DGKI: variants seen among roughly 807,000 people sequenced by gnomAD.
The protein encoded by DGKI is diacylglycerol kinase iota, also known as DAG kinase iota.
DGKI carries 55 observed loss-of-function variants against 147.5 expected under a neutral mutation model. That is an observed-to-expected ratio of 0.37 (90% CI 0.30 to 0.47). The LOEUF is 0.47. Ranked by LOEUF, DGKI falls within the 20% of genes least tolerant of loss-of-function variation. DGKI has a pLI of 1.00. For missense variants in DGKI, 1,007 were observed against 1,323.8 expected, an observed-to-expected ratio of 0.76 and a Z score of 3.71; for synonymous variants, 469 against 477.1, an observed-to-expected ratio of 0.98 and a Z score of 0.22.
intron 28 of DGKI, among the ~76,000 whole-genome samples, chr7:137,433,189 T>A (rs578186534): frequency 6.6e-6 from 1 of 152,326 alleles, no homozygotes; most frequent in African/African-American, 2.4e-5. Flanking sequence ...CCTAAGCAGC[T>A]ATAATTGACA....
chr7:137,522,936 T>A (rs1441932658), intron 20 of DGKI, among the ~76,000 whole-genome samples: 2 of 151,800 alleles, frequency 1.3e-5, no homozygotes, highest in Non-Finnish European at 2.9e-5. Flanking sequence ...TCTTTTTTTT[T>A]ATATTAAATG....
At chr7:137,642,054 A>G (rs1191778728) in intron 6 of DGKI, among the ~76,000 whole-genome samples, 2 of 152,182 alleles carry the variant, frequency 1.3e-5, no homozygotes, top group East Asian at 1.9e-4. Context: ...GTTTACAGCA[A>G]AAGTATGCAT....
chr7:137,794,339 C>T (rs897876049), intron 1 of DGKI, among the ~76,000 whole-genome samples: 14 of 152,108 alleles, frequency 9.2e-5, no homozygotes, highest in African/African-American at 3.4e-4. Context: ...TAAAGAGTTA[C>T]AAGAAGGACA....
intron 2 of DGKI, among the ~76,000 whole-genome samples, chr7:137,683,104 G>A (rs1019081069): frequency 1.3e-5 from 2 of 151,420 alleles, no homozygotes; most frequent in African/African-American, 2.4e-5. Flanking sequence ...CTTACTATAC[G>A]CTGGACAGTG....
intron 27 of DGKI, among the ~76,000 whole-genome samples, chr7:137,446,912 C>T (rs747646256): frequency 6.6e-6 from 1 of 152,192 alleles, no homozygotes; most frequent in Non-Finnish European, 1.5e-5. Flanking sequence ...CTTTTCACCA[C>T]ACCTGAAAGA....
intron 1 of DGKI, among the ~76,000 whole-genome samples, chr7:137,831,828 C>T (rs1172352084): frequency 1.3e-5 from 2 of 152,236 alleles, no homozygotes; most frequent in African/African-American, 4.8e-5. Flanking sequence ...GCCTATGAGC[C>T]TGTAAAATCC....
At chr7:137,458,753 C>G (rs1474381533) in intron 27 of DGKI, among the ~76,000 whole-genome samples, 1 of 152,152 alleles carries the variant, frequency 6.6e-6, no homozygotes, top group Admixed American at 6.6e-5. Context: ...TAAGTAAATT[C>G]CCTCTCTATT....
chr7:137,543,481 A>T (rs569183787), intron 20 of DGKI, among the ~76,000 whole-genome samples: 216 of 152,296 alleles, frequency 1.4e-3, no homozygotes, highest in Non-Finnish European at 2.3e-3. Flanking sequence ...CTAATAATTC[A>T]TACATTGCAT....
intron 27 of DGKI, among the ~76,000 whole-genome samples, chr7:137,463,170 T>C (rs990252481): frequency 6.6e-6 from 1 of 152,170 alleles, no homozygotes; most frequent in African/African-American, 2.4e-5. Flanking sequence ...GTCTTTATGA[T>C]GTGGCAAACA....
intron 1 of DGKI, among the ~76,000 whole-genome samples, chr7:137,708,101 T>G (rs1186521257): frequency 6.6e-6 from 1 of 152,196 alleles, no homozygotes; most frequent in Non-Finnish European, 1.5e-5. Context: ...TATTCCTGCC[T>G]GGCAGTACCC....
At chr7:137,637,571 G>C (rs1821357739) in intron 6 of DGKI, among the ~76,000 whole-genome samples, 1 of 152,186 alleles carries the variant, frequency 6.6e-6, no homozygotes, top group Non-Finnish European at 1.5e-5. Flanking sequence ...GGTACTTTTA[G>C]ACTTACCTGA....
intron 1 of DGKI, among the ~76,000 whole-genome samples, chr7:137,700,792 T>G (rs1451478805): frequency 6.6e-6 from 1 of 151,970 alleles, no homozygotes; most frequent in African/African-American, 2.4e-5. Flanking sequence ...GCAGGAGAAT[T>G]GCTTGAACCT....
intron 21 of DGKI, among the ~76,000 whole-genome samples, chr7:137,500,976 A>G (rs1263661502): frequency 1.3e-5 from 2 of 152,062 alleles, no homozygotes; most frequent in Non-Finnish European, 2.9e-5. Context: ...TATTCTATCT[A>G]CCTGTATTTG....
At chr7:137,832,636 T>G (rs951771867) in intron 1 of DGKI, among the ~76,000 whole-genome samples, 12 of 152,198 alleles carry the variant, frequency 7.9e-5, no homozygotes, top group African/African-American at 2.9e-4. Flanking sequence ...GGGACAGCCA[T>G]AAAGACCTCT....
intron 20 of DGKI, among the ~76,000 whole-genome samples, chr7:137,527,535 T>C (rs1432135964): frequency 2.0e-5 from 3 of 152,196 alleles, no homozygotes; most frequent in Non-Finnish European, 4.4e-5. Context: ...AAATCTTAAC[T>C]CATGTTGAGA....
chr7:137,706,807 C>T (rs1476606343), intron 1 of DGKI, among the ~76,000 whole-genome samples: 1 of 151,972 alleles, frequency 6.6e-6, no homozygotes, highest in South Asian at 2.1e-4. Context: ...CTCCTGACCT[C>T]GTGATCCACC....
At chr7:137,466,220 C>T (rs1254199694) in intron 25 of DGKI, among the ~76,000 whole-genome samples, 185 bp from the exon 26 acceptor site, 1 of 152,262 alleles carries the variant, frequency 6.6e-6, no homozygotes, top group East Asian at 1.9e-4. Flanking sequence ...GATGAATCCC[C>T]TTGGTTCAGG....
intron 20 of DGKI, among the ~76,000 whole-genome samples, chr7:137,549,262 A>G (rs1739807426): frequency 6.6e-6 from 1 of 152,214 alleles, no homozygotes; most frequent in African/African-American, 2.4e-5. Flanking sequence ...ATATTTGGGT[A>G]TGAGTCTTCA....
intron 28 of DGKI, among the ~76,000 whole-genome samples, chr7:137,414,531 A>G (rs931758956): frequency 4.6e-4 from 7 of 15,316 alleles, no homozygotes; most frequent in African/African-American, 1.2e-3. Flanking sequence ...ACAAAGTGTT[A>G]TGTGTAAAAA....
Sources: gnomAD v4.1 joint callset for allele counts (sites outside exome capture counted in the v4.1 genomes callset) on GRCh38, gnomAD v4.1.1 for gene constraint, MANE v1.5 for transcripts, NCBI Gene and HGNC (gene_info 2026-07-23, HGNC 2026-07-21) for gene names.